Variants in SLC30A6 observed in about 807,000 individuals in gnomAD.
SLC30A6 encodes zinc transporter 6.
SLC30A6 carries 55 observed loss-of-function variants against 63.0 expected under a neutral mutation model. The ratio of observed to expected loss-of-function variants is 0.87; its 90% CI spans 0.70 to 1.09. The LOEUF (loss-of-function observed/expected upper bound fraction) is 1.09, where lower values mean the gene tolerates loss of function less well. Among genes scored for constraint, SLC30A6 ranks in the 50% least tolerant of loss-of-function variants. The pLI, the probability that SLC30A6 is intolerant of heterozygous loss-of-function variation, is 0.00. For missense variants in SLC30A6, 587 were observed against 549.2 expected, an observed-to-expected ratio of 1.07 and a Z score of -0.69; for synonymous variants, 224 against 186.1, an observed-to-expected ratio of 1.20 and a Z score of -1.66.
chr2:32,215,519 T>TTA (rs1553339792), intron 13 of SLC30A6, among the ~76,000 whole-genome samples: 2 of 137,940 alleles, frequency 1.4e-5, no homozygotes, highest in African/African-American at 2.7e-5. Flanking sequence ...TATATATATT[T>TTA]TTTTTTTTTT....
intron 2 of SLC30A6, among the ~76,000 whole-genome samples, chr2:32,172,411 G>T (rs908544145): frequency 3.3e-5 from 5 of 150,740 alleles, no homozygotes; most frequent in African/African-American, 1.2e-4. Flanking sequence ...ATGGAATCTT[G>T]CTAAATTATC....
chr2:32,210,515 CA>C (rs3040860), intron 13 of SLC30A6, among the ~76,000 whole-genome samples: 283 of 89,172 alleles, frequency 3.2e-3, no homozygotes, highest in Admixed American at 3.8e-3. Context: ...ACTCTGTCTC[CA>C]AAAAAAAAAA....
At chr2:32,181,933 C>CTTTT (rs34589397) in intron 4 of SLC30A6, among the ~76,000 whole-genome samples, 15 of 122,914 alleles carry the variant, frequency 1.2e-4, no homozygotes, top group East Asian at 2.3e-4. Flanking sequence ...TTTTTCTTTT[C>CTTTT]TTTTTTTTTT....
At chr2:32,202,690 A>T (rs751729084) in intron 10 of SLC30A6, 1 of 662,570 alleles carries the variant, frequency 1.5e-6, no homozygotes, top group Non-Finnish European at 2.8e-6. Flanking sequence ...CAAATGTTAG[A>T]GTTAGGTTTT....
At chr2:32,198,201 T>C (rs1437818938) in intron 10 of SLC30A6, among the ~76,000 whole-genome samples, 4 of 152,228 alleles carry the variant, frequency 2.6e-5, no homozygotes, top group Admixed American at 6.5e-5. Context: ...AAATAGGCTT[T>C]ACAGCTGCTT....
At chr2:32,198,116 C>T (rs1683959890) in intron 10 of SLC30A6, among the ~76,000 whole-genome samples, 1 of 152,128 alleles carries the variant, frequency 6.6e-6, no homozygotes, top group Non-Finnish European at 1.5e-5. Context: ...TCTGAGCCAC[C>T]ACTGCTATTG....
At chr2:32,171,751 G>C (rs949279258) in intron 2 of SLC30A6, among the ~76,000 whole-genome samples, 6 of 151,470 alleles carry the variant, frequency 4.0e-5, no homozygotes, top group African/African-American at 1.5e-4. Flanking sequence ...GGAGTGCAAT[G>C]GCATGATCTT....
chr2:32,214,769 C>G (rs989566127), intron 13 of SLC30A6, among the ~76,000 whole-genome samples: 4 of 152,158 alleles, frequency 2.6e-5, no homozygotes, highest in African/African-American at 9.7e-5. Context: ...TTATAGGAGA[C>G]TTTTCAAGTT....
intron 8 of SLC30A6, among the ~76,000 whole-genome samples, chr2:32,195,136 C>T (rs1306456256): frequency 1.6e-5 from 2 of 127,110 alleles, no homozygotes; most frequent in Non-Finnish European, 1.6e-5. Flanking sequence ...GTCTCACTCT[C>T]TTGCCCAGGC....
At chr2:32,196,138 C>G (rs949568024) in intron 8 of SLC30A6, among the ~76,000 whole-genome samples, 2 of 152,120 alleles carry the variant, frequency 1.3e-5, no homozygotes, top group African/African-American at 4.8e-5. Flanking sequence ...CATGGCAAAA[C>G]CCTGTCTCTA....
intron 4 of SLC30A6, among the ~76,000 whole-genome samples, chr2:32,180,117 A>G (rs777880193): frequency 6.6e-6 from 1 of 152,014 alleles, no homozygotes; most frequent in Non-Finnish European, 1.5e-5. Context: ...GAGATACCCT[A>G]TAGACCAGGC....
At chr2:32,207,055 C>A in intron 12 of SLC30A6, 122 bp downstream of exon 12, 1 of 739,844 alleles carries the variant, frequency 1.4e-6, no homozygotes, top group Non-Finnish European at 2.3e-6. Context: ...ATGTTCTTCA[C>A]AATAACATAC....
chr2:32,224,209 C>G lies in SLC30A6; in HGVS notation c.*3496C>G. The G allele has an allele frequency of 3.1e-6, 1 of 322,340 alleles. No individual in the cohort carries two copies. Among genetic ancestry groups the G allele is most frequent in the Non-Finnish European group, 5.6e-6 (1 of 177,158 alleles). The allele number at this position is 322,340 out of a possible 1,614,324, so 20.0% of individuals were successfully genotyped here. On this transcript the variant is annotated 3_prime_UTR_variant, in exon 14 of 14. Transcript: ENST00000282587. ...TTGAGAATCTCTTACATGCCAGGCA[C>G]TATACTAAGTTAATATGCATTCAGT...
rs1558439392 is a variant in SLC30A6 at position 32,222,911 on chromosome 2, T to C, written c.*2198T>C. ...CCATCCCCATAGGATTTTAAAGTGT[T>C]CAGGTACCAAACACAGTTCTGTGTG... On this transcript the variant is annotated 3_prime_UTR_variant, in exon 14 of 14. Transcript: ENST00000282587. 2 of 152,288 alleles carry C rather than the reference T, an allele frequency of 1.3e-5. No individual in the cohort carries two copies. Among genetic ancestry groups the C allele is most frequent in the Admixed American group, 6.5e-5 (1 of 15,272 alleles). The allele number at this position is 152,288 out of a possible 1,614,324, so 9.4% of individuals were successfully genotyped here.
intron 13 of SLC30A6, among the ~76,000 whole-genome samples, chr2:32,209,937 AT>A (rs1209450292): frequency 6.6e-6 from 1 of 152,236 alleles, no homozygotes; most frequent in East Asian, 1.9e-4. Context: ...GTTAAAAAAA[AT>A]TAAAAGTGCA....
chr2:32,222,018 A>C lies in SLC30A6; in HGVS notation c.*1305A>C, dbSNP rs1558438032. ...GAATTTGAGCATATATAATTTTACC[A>C]AAGCATAATGGACCTTAGATTATAG... On this transcript the variant is annotated 3_prime_UTR_variant, in exon 14 of 14. Transcript: ENST00000282587. 1 of 152,216 alleles carries C rather than the reference A, an allele frequency of 6.6e-6. No homozygotes were observed. Among genetic ancestry groups the C allele is most frequent in the Non-Finnish European group, 1.5e-5 (1 of 68,038 alleles). 9.4% of individuals were successfully genotyped at this position (152,216 alleles called of 1,614,324 possible).
chr2:32,166,263 C>CTGTGTAATAG (rs952894033), intron 1 of SLC30A6, among the ~76,000 whole-genome samples: 23 of 151,152 alleles, frequency 1.5e-4, no homozygotes, highest in African/African-American at 5.4e-4. Flanking sequence ...ACAGCAACAA[C>CTGTGTAATAG]TGTAATAGTG....
At chr2:32,177,726 T>A (rs1681898565) in intron 4 of SLC30A6, 1 of 155,924 alleles carries the variant, frequency 6.4e-6, no homozygotes, top group African/African-American at 2.4e-5. Context: ...ATTGGCATGA[T>A]CTTGGCTCAC....
intron 10 of SLC30A6, among the ~76,000 whole-genome samples, chr2:32,200,348 A>G (rs1291580737): frequency 6.6e-6 from 1 of 151,774 alleles, no homozygotes; most frequent in African/African-American, 2.4e-5. Context: ...CCTCCCCTTG[A>G]GGTGTACCCA....
Sources: gnomAD v4.1 joint callset for allele counts (sites outside exome capture counted in the v4.1 genomes callset) on GRCh38, gnomAD v4.1.1 for gene constraint, MANE v1.5 for transcripts, NCBI Gene and HGNC (gene_info 2026-07-23, HGNC 2026-07-21) for gene names.